Variants in DCC observed in about 807,000 individuals in gnomAD.
The protein encoded by DCC is DCC netrin 1 receptor, also known as netrin receptor DCC.
DCC carries 58 observed loss-of-function variants against 172.5 expected under a neutral mutation model. The observed-to-expected ratio is 0.34, with a 90% CI of 0.27 to 0.42. The LOEUF is 0.42. Among genes scored for constraint, DCC ranks in the 10% least tolerant of loss-of-function variants. The pLI is 1.00. For synonymous variants in DCC, 709 were observed against 644.5 expected (o/e 1.10, Z -1.52); for missense variants, 1,740 against 1,791.0 (o/e 0.97, Z 0.51).
chr18:52,379,156 C>A (rs1246622760), intron 1 of DCC, among the ~76,000 whole-genome samples: 1 of 152,110 alleles, frequency 6.6e-6, no homozygotes. Flanking sequence ...TTCACAGACT[C>A]ATTTAGCTTT....
intron 2 of DCC, among the ~76,000 whole-genome samples, chr18:52,807,899 T>C (rs556803511): frequency 6.6e-6 from 1 of 152,348 alleles, no homozygotes; most frequent in South Asian, 2.1e-4. Context: ...TGGATACATA[T>C]GGGAAATATT....
At position 53,111,175 on chromosome 18, in the gene DCC, C is replaced by T. The variant is rs533982085; in HGVS notation, c.1261+45009C>T. ...CAAAAAACCAAACATCGCATGTTCT[C>T]GCTCATAGGTAGGAATTGAACAATG... On this transcript the variant is annotated intron_variant, in intron 7 of 28. Coordinates refer to ENST00000442544, the MANE Select transcript of DCC (RefSeq NM_005215.4). Among the ~76,000 whole-genome samples the T allele has an allele frequency of 5.4e-5, 8 of 147,280 alleles. No individual in the cohort carries two copies. In the East Asian group the frequency reaches 6.2e-4, roughly 11 times the overall value.
At chr18:53,441,208 A>AAAAT (rs952000019) in intron 22 of DCC, among the ~76,000 whole-genome samples, 1 of 152,168 alleles carries the variant, frequency 6.6e-6, no homozygotes, top group Non-Finnish European at 1.5e-5. Context: ...AAGCTCTGAG[A>AAAAT]AAATAAATAA....
chr18:53,049,593 A>G (rs998198925), intron 5 of DCC, among the ~76,000 whole-genome samples: 2 of 152,036 alleles, frequency 1.3e-5, no homozygotes, highest in Non-Finnish European at 2.9e-5. Flanking sequence ...GTAGCCTTGT[A>G]GTATAGTTAG....
intron 12 of DCC, among the ~76,000 whole-genome samples, chr18:53,271,518 C>T (rs1045429953): frequency 6.6e-6 from 1 of 152,258 alleles, no homozygotes; most frequent in East Asian, 1.9e-4. Flanking sequence ...TGCTTCAAAG[C>T]TCATACATTT....
chr18:53,427,087 G>A (rs539146711), intron 21 of DCC, among the ~76,000 whole-genome samples: 3 of 152,202 alleles, frequency 2.0e-5, no homozygotes, highest in East Asian at 1.9e-4. Context: ...GGATCATTCC[G>A]TGGCCTTTGA....
At chr18:52,492,973 A>T (rs1375289851) in intron 1 of DCC, among the ~76,000 whole-genome samples, 1 of 152,150 alleles carries the variant, frequency 6.6e-6, no homozygotes, top group Non-Finnish European at 1.5e-5. Context: ...TTGAAGACAT[A>T]GGCTCATTTG....
At chr18:53,118,427 T>C (rs1277323271) in intron 7 of DCC, among the ~76,000 whole-genome samples, 1 of 151,792 alleles carries the variant, frequency 6.6e-6, no homozygotes, top group East Asian at 1.9e-4. Flanking sequence ...GATTATTCCA[T>C]GTCATTCTTG....
In DCC at chr18:53,504,755, A is replaced by C. The variant is rs551002575; in HGVS notation, c.4111+5245A>C. On this transcript the variant is annotated intron_variant, in intron 27 of 28. Transcript: ENST00000442544. ...GAAAAGAGCTCTGTTAATTGCCCAGAGGAGAGAGAAATAATTTCTAGAAGA... is the reference window on the plus strand; with the variant it reads ...GAAAAGAGCTCTGTTAATTGCCCAGCGGAGAGAGAAATAATTTCTAGAAGA... Among the ~76,000 whole-genome samples the C allele has an allele frequency of 7.9e-5, 12 of 152,330 alleles. No homozygotes were observed. In the South Asian group the frequency reaches 2.5e-3, roughly 32 times the overall value.
At chr18:53,395,150 CAAAA>C (rs35414902) in intron 17 of DCC, among the ~76,000 whole-genome samples, 2 of 125,252 alleles carry the variant, frequency 1.6e-5, no homozygotes, top group African/African-American at 3.3e-5. Flanking sequence ...AACTCCATCT[CAAAA>C]AAAAAAAAAA....
chr18:53,300,400 C>T (rs971014599), intron 12 of DCC, among the ~76,000 whole-genome samples: 1 of 151,970 alleles, frequency 6.6e-6, no homozygotes, highest in African/African-American at 2.4e-5. Flanking sequence ...CATTTGGTGC[C>T]ATGTTTTTTG....
At chr18:52,876,405 A>G (rs967392035) in intron 2 of DCC, among the ~76,000 whole-genome samples, 2 of 152,220 alleles carry the variant, frequency 1.3e-5, no homozygotes, top group Non-Finnish European at 2.9e-5. Context: ...TGGCCTATAA[A>G]GGCATACATT....
intron 12 of DCC, among the ~76,000 whole-genome samples, chr18:53,293,474 T>A (rs1407847620): frequency 2.0e-5 from 3 of 152,198 alleles, no homozygotes; most frequent in Non-Finnish European, 2.9e-5. Flanking sequence ...TAGCGTTTTT[T>A]AAATTTTTAT....
At chr18:52,646,795 C>A (rs1332121227) in intron 1 of DCC, among the ~76,000 whole-genome samples, 1 of 152,168 alleles carries the variant, frequency 6.6e-6, no homozygotes, top group Non-Finnish European at 1.5e-5. Context: ...CCAGGATGCT[C>A]ATCAAACCTA....
chr18:52,835,544 A>C (rs2038689775), intron 2 of DCC, among the ~76,000 whole-genome samples: 1 of 152,178 alleles, frequency 6.6e-6, no homozygotes, highest in Non-Finnish European at 1.5e-5. Flanking sequence ...TTGTTATATC[A>C]TACGATCCTA....
chr18:53,020,038 T>C (rs892384488), intron 5 of DCC, among the ~76,000 whole-genome samples: 3 of 152,182 alleles, frequency 2.0e-5, no homozygotes, highest in African/African-American at 7.2e-5. Context: ...TGGGAAATGA[T>C]GGACACTGTG....
intron 7 of DCC, among the ~76,000 whole-genome samples, chr18:53,066,976 A>T (rs1013645225): frequency 2.6e-5 from 4 of 151,934 alleles, no homozygotes; most frequent in Admixed American, 6.6e-5. Context: ...AAACAACCAG[A>T]TCTCATGAGA....
intron 27 of DCC, among the ~76,000 whole-genome samples, chr18:53,514,237 T>A (rs963513833): frequency 6.6e-6 from 1 of 151,984 alleles, no homozygotes; most frequent in African/African-American, 2.4e-5. Context: ...GAAATAAAGA[T>A]GTTCTTTGAA....
At chr18:53,275,183 G>A (rs566459466) in intron 12 of DCC, among the ~76,000 whole-genome samples, 2 of 152,202 alleles carry the variant, frequency 1.3e-5, no homozygotes, top group East Asian at 3.9e-4. Flanking sequence ...CCCATCTTAA[G>A]AGATAAAACA....
Sources: gnomAD v4.1 joint callset for allele counts (sites outside exome capture counted in the v4.1 genomes callset) on GRCh38, gnomAD v4.1.1 for gene constraint, MANE v1.5 for transcripts, NCBI Gene and HGNC (gene_info 2026-07-23, HGNC 2026-07-21) for gene names.